The following ZNF536 variants were observed in gnomAD, a reference collection of about 807,000 sequenced individuals.
ZNF536 encodes zinc finger protein 536.
A neutral mutation model predicts 84.5 loss-of-function variants in ZNF536; 13 were observed. The ratio of observed to expected loss-of-function variants is 0.15; its 90% CI spans 0.10 to 0.24. ZNF536 has a LOEUF of 0.24. Ranked by LOEUF, ZNF536 falls within the 10% of genes least tolerant of loss-of-function variation. ZNF536 has a pLI of 1.00. For synonymous variants in ZNF536, 811 were observed against 742.5 expected, an observed-to-expected ratio of 1.09 and a Z score of -1.50; for missense variants, 1,536 against 1,747.5, an observed-to-expected ratio of 0.88 and a Z score of 2.16.
rs2045450855 is a variant in ZNF536 at position 30,281,701 on chromosome 19, A to G, written c.-189-2371A>G. 2.6e-5 allele frequency among the ~76,000 whole-genome samples: 4 copies of G among 152,208 alleles called. No individual in the cohort carries two copies. The South Asian group carries it at 8.3e-4, about 32-fold the overall frequency. ...AGGGAAGCAGGAGCCATCAGTGTAC[A>G]GCGAGTGGAATTTCAAGCACTGAAA... On this transcript the variant is annotated intron_variant, in intron 1 of 5. Coordinates refer to the ZNF536 transcript ENST00000585628.
intron 1 of ZNF536, among the ~76,000 whole-genome samples, chr19:30,269,386 G>A (rs185727020): frequency 1.2e-4 from 18 of 152,290 alleles, no homozygotes; most frequent in Middle Eastern, 3.4e-3. Context: ...TTAATGGTGT[G>A]GGATGTAGAG....
chr19:30,505,904 G>C (rs1443553577), intron 2 of ZNF536, among the ~76,000 whole-genome samples: 1 of 152,102 alleles, frequency 6.6e-6, no homozygotes, highest in Non-Finnish European at 1.5e-5. Flanking sequence ...GACCTGAGGT[G>C]ATCTGCCCTC....
At chr19:30,655,684 A>T (rs1429970237) in intron 1 of ZNF536, among the ~76,000 whole-genome samples, 1 of 152,198 alleles carries the variant, frequency 6.6e-6, no homozygotes, top group Admixed American at 6.5e-5. Flanking sequence ...GATTTATCCA[A>T]GGGAGGAATC....
intron 2 of ZNF536, among the ~76,000 whole-genome samples, chr19:30,288,539 A>T (rs866941889): frequency 6.6e-5 from 10 of 152,216 alleles, no homozygotes; most frequent in Middle Eastern, 3.2e-3. Context: ...TGGACATCAT[A>T]GCAGTACCAG....
intron 1 of ZNF536, among the ~76,000 whole-genome samples, chr19:30,606,171 A>AAATAAAATAAAATAAAATAAAAT: frequency 2.3e-5 from 1 of 43,952 alleles, no homozygotes; most frequent in Non-Finnish European, 4.3e-5. Flanking sequence ...AAAATAAAAT[A>AAATAAAATAAAATAAAATAAAAT]AATAAAATAA....
intron 1 of ZNF536, among the ~76,000 whole-genome samples, chr19:30,658,160 T>C (rs1008254218): frequency 1.3e-5 from 2 of 152,086 alleles, no homozygotes; most frequent in African/African-American, 4.8e-5. Context: ...CAGCTGGGAC[T>C]ACAAGTGTGC....
chr19:30,644,205 C>T (rs2049374305), intron 1 of ZNF536, among the ~76,000 whole-genome samples: 1 of 152,132 alleles, frequency 6.6e-6, no homozygotes, highest in Non-Finnish European at 1.5e-5. Flanking sequence ...TTTTGATCTG[C>T]TATGCTTAGC....
In ZNF536 at chr19:30,400,550, T is replaced by A. The variant is rs149940041; in HGVS notation, c.-3+27994T>A. Among the ~76,000 whole-genome samples, 1,042 of 152,276 alleles carry A rather than the reference T, an allele frequency of 6.8e-3. 14 individuals carry two copies. Among genetic ancestry groups the A allele is most frequent in the African/African-American group, 0.024 (1,013 of 41,552 alleles). ...TTTTCTAATTATATTATTTATTGAGTTGAGTTTTGAGGGGTTTTGTTTTGT... is the reference window on the plus strand; with the variant it reads ...TTTTCTAATTATATTATTTATTGAGATGAGTTTTGAGGGGTTTTGTTTTGT... On this transcript the variant is annotated intron_variant, in intron 1 of 4. Transcript: ENST00000355537.
At chr19:30,384,480 G>A (rs202138870) in intron 1 of ZNF536, among the ~76,000 whole-genome samples, 2 of 151,496 alleles carry the variant, frequency 1.3e-5, no homozygotes, top group Admixed American at 6.6e-5. Flanking sequence ...GTGGATGCAC[G>A]ATCCCAGTGG....
intron 1 of ZNF536, among the ~76,000 whole-genome samples, chr19:30,610,182 C>A (rs576514403): frequency 6.6e-6 from 1 of 152,346 alleles, no homozygotes; most frequent in Admixed American, 6.5e-5. Flanking sequence ...TGTTACAATG[C>A]CTTACAACAC....
At chr19:30,565,021 C>T (rs146649713) in intron 1 of ZNF536, among the ~76,000 whole-genome samples, 122 of 152,170 alleles carry the variant, frequency 8.0e-4, no homozygotes, top group African/African-American at 2.6e-3. Context: ...TCGCCTTGTC[C>T]GGGAAGAACT....
intron 1 of ZNF536, among the ~76,000 whole-genome samples, chr19:30,235,451 T>C (rs1204708806): frequency 6.6e-6 from 1 of 152,346 alleles, no homozygotes; most frequent in East Asian, 1.9e-4. Context: ...ATATACATTG[T>C]TGTGAATTTG....
At chr19:30,282,509 A>G (rs1469375033) in intron 1 of ZNF536, among the ~76,000 whole-genome samples, 1 of 152,162 alleles carries the variant, frequency 6.6e-6, no homozygotes, top group African/African-American at 2.4e-5. Context: ...TGTCATTGGA[A>G]TTTACAGGGC....
At chr19:30,405,310 T>A (rs1019030738) in intron 1 of ZNF536, among the ~76,000 whole-genome samples, 1 of 152,196 alleles carries the variant, frequency 6.6e-6, no homozygotes, top group African/African-American at 2.4e-5. Context: ...ATATTCTGTT[T>A]CCTGAGGCCT....
intron 2 of ZNF536, among the ~76,000 whole-genome samples, chr19:30,287,034 A>G (rs1225024865): frequency 6.6e-6 from 1 of 151,978 alleles, no homozygotes; most frequent in African/African-American, 2.4e-5. Flanking sequence ...TTAGTGACCT[A>G]CTCCTTTACT....
intron 1 of ZNF536, among the ~76,000 whole-genome samples, chr19:30,442,205 C>T (rs1014570572): frequency 2.0e-5 from 3 of 152,236 alleles, no homozygotes; most frequent in African/African-American, 7.2e-5. Context: ...GGTTCATTGC[C>T]TTGCAAAGCT....
intron 1 of ZNF536, among the ~76,000 whole-genome samples, chr19:30,674,190 G>C (rs1038632382): frequency 1.3e-5 from 2 of 152,230 alleles, no homozygotes. Context: ...CAGGAGATGG[G>C]ATAGGGGCCT....
chr19:30,226,060 C>T (rs2022593850), upstream of ZNF536, among the ~76,000 whole-genome samples: 1 of 151,938 alleles, frequency 6.6e-6, no homozygotes, highest in Admixed American at 6.6e-5. This position sits in a 1 kb window ranked among gnomAD's most constrained non-coding sequence, Gnocchi z 4.6. Context: ...TCCCCGCCCG[C>T]GGTCCCGGGA....
Position 30,548,340 on chromosome 19 carries a change from T to C in ZNF536, c.2721T>C (p.Ile907=). 1.2e-6 allele frequency: 2 copies of C among 1,613,722 alleles called. No homozygotes were observed. The highest frequency in any genetic ancestry group is 1.7e-6 in the Non-Finnish European group (2 of 1,179,878). The change falls in exon 4 of 5, where the codon ATT becomes ATC. Residue 907 remains isoleucine, a synonymous_variant. Transcript: ENST00000355537. ...FSEIGRAYQS[I]VSNGVNFQGS... ...AGATCGGAAGAGCTTATCAAAGCAT[T>C]GTGAGCAACGGTGTGAATTTCCAAG...
Sources: gnomAD v4.1 joint callset for allele counts (sites outside exome capture counted in the v4.1 genomes callset) on GRCh38, gnomAD v4.1.1 for gene constraint, Gnocchi (gnomAD v3.1) non-coding constraint, MANE v1.5 for transcripts, NCBI Gene and HGNC (gene_info 2026-07-23, HGNC 2026-07-21) for gene names.